Variants in SPATA32 observed in about 807,000 individuals in gnomAD.
SPATA32 encodes the protein spermatogenesis associated 32.
In SPATA32, 28 loss-of-function variants were observed where a neutral mutation model predicts 35.4. The observed-to-expected ratio is 0.79, with a 90% CI of 0.59 to 1.09. SPATA32 has a LOEUF of 1.09. SPATA32 is among the 50% of genes least tolerant of loss of function. The pLI is 0.00. For missense variants in SPATA32, 409 were observed against 475.9 expected (o/e 0.86, Z 1.31); for synonymous variants, 168 against 196.3 (o/e 0.86, Z 1.20).
rs761250386 is a variant in SPATA32, at chr17:45,255,281, G to A, written c.901C>T (p.Arg301Cys). 1.0e-4 allele frequency: 169 copies of A among 1,614,098 alleles called. No individual in the cohort carries two copies. The East Asian group carries it at 2.4e-3, about 23-fold the overall frequency. ...GATTTCAGTGGTGCTCTGGCTTCGC[G>A]TGGTTTCTCTGGCAGGGTCTCTGCG... ...NHAETLPEKP[R>C]EARAPLKSWS... The change falls in exon 4 of 5, where the codon CGC becomes TGC. Residue 301 changes from arginine (R) to cysteine (C), a missense_variant. Transcript: ENST00000331780. This position sits in a 1 kb window ranked among gnomAD's most constrained non-coding sequence, Gnocchi z 5.4.
At chr17:45,260,436 G>A (rs1455246528) in intron 1 of SPATA32, 1 of 152,242 alleles carries the variant, frequency 6.6e-6, no homozygotes, top group Non-Finnish European at 1.5e-5. Context: ...CGCAGCTACT[G>A]CCCTCCTACC....
chr17:45,259,720 T>C (rs1255844261), intron 1 of SPATA32, among the ~76,000 whole-genome samples: 2 of 152,140 alleles, frequency 1.3e-5, no homozygotes, highest in African/African-American at 4.8e-5. Flanking sequence ...GGTCTTGTTA[T>C]ATTGCCCAGG....
chr17:45,261,646 A>T, intron 1 of SPATA32: 1 of 302,658 alleles, frequency 3.3e-6, no homozygotes, highest in Non-Finnish European at 6.1e-6. Flanking sequence ...GATTTTTTGG[A>T]TCTGCAGTTC....
At position 45,257,212 on chromosome 17, in the gene SPATA32, C is replaced by T. The variant is rs956494375; in HGVS notation, c.14-5G>A. 14 of 1,609,226 alleles carry T rather than the reference C, an allele frequency of 8.7e-6. No individual in the cohort carries two copies. The highest frequency in any genetic ancestry group is 1.1e-5 in the South Asian group (1 of 90,138). On this transcript the variant is annotated splice_polypyrimidine_tract_variant and splice_region_variant and intron_variant, in intron 1 of 4. Coordinates refer to ENST00000331780, the MANE Select transcript of SPATA32 (RefSeq NM_152343.3). Reference sequence around the variant, plus strand: ...AGCATGGAAATCCATGGGCACCTGACAGGGGAAAGGAGGTGAGGGCAGGGA... The same window carrying T: ...AGCATGGAAATCCATGGGCACCTGATAGGGGAAAGGAGGTGAGGGCAGGGA...
rs576619866 is a variant in SPATA32, at chr17:45,261,966, G to T, written c.13+38C>A. The T allele has an allele frequency of 5.3e-6, 7 of 1,310,904 alleles. No homozygotes were observed. The African/African-American group carries it at 6.0e-5, about 11-fold the overall frequency. The allele number at this position is 1,310,904 out of a possible 1,614,324, so 81.2% of individuals were successfully genotyped here. A position where few individuals can be genotyped will look rare whatever the true frequency, so the allele number is the denominator to read the frequency against. On this transcript the variant is annotated intron_variant, in intron 1 of 4. Coordinates refer to ENST00000331780, the MANE Select transcript of SPATA32 (RefSeq NM_152343.3). ...CCTCTCACTTTCGCTTTCCCCGCCT[G>T]CCCCAACCCTCGCCCCCGGGCGCTC...
intron 1 of SPATA32, chr17:45,259,885 A>G (rs2043989738): frequency 6.6e-6 from 1 of 152,104 alleles, no homozygotes; most frequent in Non-Finnish European, 1.5e-5. Context: ...TGGTTGTGAT[A>G]TATTACCCTT....
intron 1 of SPATA32, chr17:45,260,662 A>G (rs1162324368): frequency 6.6e-6 from 1 of 152,262 alleles, no homozygotes; most frequent in Admixed American, 6.5e-5. Flanking sequence ...GGCTGGCTCC[A>G]AACTCTGGGA....
chr17:45,255,152 G>C lies in SPATA32; in HGVS notation c.1030C>G (p.Pro344Ala), dbSNP rs1197271357. 2 of 1,614,098 alleles carry C rather than the reference G, an allele frequency of 1.2e-6. No homozygotes were observed. The highest frequency in any genetic ancestry group is 4.5e-5 in the East Asian group (2 of 44,896). Reference sequence around the variant, plus strand: ...CCCTGCAGCAGAGGGGACGTGGCTGGTGGCTGGAGAAGCTGGATTTGCCCT... The same window carrying C: ...CCCTGCAGCAGAGGGGACGTGGCTGCTGGCTGGAGAAGCTGGATTTGCCCT... ...IKGQIQLLQP[P>A]ATSPLLQGSK... is the part of the protein sequence containing the mutation. Residue 344 changes from proline to alanine, a missense_variant, in exon 4 of 5, where the codon CCA (proline) becomes GCA (alanine). Pro to Ala is a conservative substitution (Grantham distance 27). Coordinates refer to ENST00000331780, the MANE Select transcript of SPATA32 (RefSeq NM_152343.3). The surrounding 1 kb of genome is among the most constrained non-coding windows in gnomAD (Gnocchi z 5.4).
At position 45,261,987 on chromosome 17, in the gene SPATA32, C is replaced by T; in HGVS notation, c.13+17G>A. 9 of 1,312,564 alleles carry T rather than the reference C, an allele frequency of 6.9e-6. No homozygotes were observed. Among genetic ancestry groups the T allele is most frequent in the Non-Finnish European group, 7.8e-6 (8 of 1,022,226 alleles). The allele number at this position is 1,312,564 out of a possible 1,614,324, so 81.3% of individuals were successfully genotyped here. A position where few individuals can be genotyped will look rare whatever the true frequency, so the allele number is the denominator to read the frequency against. ...GCCTGCCCCAACCCTCGCCCCCGGG[C>T]GCTCGGCCGCTCCCACCTGTCACCC... On this transcript the variant is annotated intron_variant, in intron 1 of 4. Transcript: ENST00000331780.
chr17:45,255,499 A>G lies in SPATA32; in HGVS notation c.683T>C (p.Leu228Pro), dbSNP rs746789264. ...AATGGGTGGCGGGAGATCTGAGGAC[A>G]GGAGGGGGCTTGGTGCCTGGGAGCT... is the stretch of plus-strand genomic sequence containing the variant. ...TTSSQAPSPL[L>P]SSDLPPPIDL... Residue 228 changes from leucine (L) to proline (P), a missense_variant, in exon 4 of 5, where the codon CTG becomes CCG. Leu to Pro is a moderately conservative substitution (Grantham distance 98, BLOSUM62 -3). Coordinates refer to ENST00000331780, the MANE Select transcript of SPATA32 (RefSeq NM_152343.3). This position sits in a 1 kb window ranked among gnomAD's most constrained non-coding sequence, Gnocchi z 5.4. 1 of 1,613,956 alleles carries G rather than the reference A, an allele frequency of 6.2e-7. No homozygotes were observed. Among genetic ancestry groups the G allele is most frequent in the Non-Finnish European group, 8.5e-7 (1 of 1,180,010 alleles).
chr17:45,255,953 G>C lies in SPATA32; in HGVS notation c.229C>G (p.Leu77Val), dbSNP rs753881676. The C allele has an allele frequency of 1.1e-5, 18 of 1,614,116 alleles. No individual in the cohort carries two copies. The highest frequency in any genetic ancestry group is 1.4e-5 in the Non-Finnish European group (17 of 1,180,008). The change falls in exon 4 of 5, where the codon CTA becomes GTA. Residue 77 changes from leucine to valine, a missense_variant. Transcript: ENST00000331780. The surrounding 1 kb of genome is among the most constrained non-coding windows in gnomAD (Gnocchi z 5.4). ...GCTTCAAGCTTGAGGGCTGGGTATA[G>C]CTCTGACTCCAGTAAAGCCGGCACC... ...GQVPALLESE[L>V]YPALKLEAEL... is the part of the protein sequence containing the mutation.
chr17:45,255,531 T>C lies in SPATA32; in HGVS notation c.651A>G (p.Pro217=). The change falls in exon 4 of 5, where the codon CCA becomes CCG. Residue 217 remains proline, a synonymous_variant. Coordinates refer to ENST00000331780, the MANE Select transcript of SPATA32 (RefSeq NM_152343.3). This position sits in a 1 kb window ranked among gnomAD's most constrained non-coding sequence, Gnocchi z 5.4. ...GGCTTGGTGCCTGGGAGCTTGTGGT[T>C]GGAGGAGCTGAGTGGGCATCAGGGA... ...LQIPDAHSAP[P]TTSSQAPSPL... is the part of the protein sequence containing the mutation. 1 of 1,614,070 alleles carries C rather than the reference T, an allele frequency of 6.2e-7. No individual in the cohort carries two copies. The highest frequency in any genetic ancestry group is 8.5e-7 in the Non-Finnish European group (1 of 1,180,004).
In SPATA32 at chr17:45,256,391, T is replaced by C. The variant is rs761506249; in HGVS notation, c.93A>G (p.Ile31Met). Reference protein sequence around the residue: ...EMRDDLSQHQIQEEQELEADM... With the variant: ...EMRDDLSQHQMQEEQELEADM... ...CCATTTTTACCTCCTGTTCCTCTTG[T>C]ATCTGGTGTTGACTTAAGTCATCTC... Residue 31 changes from isoleucine (I) to methionine (M), a missense_variant, in exon 3 of 5, where the codon ATA becomes ATG. Ile to Met is a conservative substitution (Grantham distance 10). Coordinates refer to ENST00000331780, the MANE Select transcript of SPATA32 (RefSeq NM_152343.3). The surrounding 1 kb of genome is among the most constrained non-coding windows in gnomAD (Gnocchi z 4.7). 6.2e-7 allele frequency: 1 copy of C among 1,610,240 alleles called. No individual in the cohort carries two copies.
chr17:45,257,247 T>C, intron 1 of SPATA32, 40 bp from the exon 2 acceptor site: 1 of 1,582,494 alleles, frequency 6.3e-7, no homozygotes, highest in Non-Finnish European at 8.6e-7. Flanking sequence ...AGCTGCAGGG[T>C]AGAGGACAGT....
At chr17:45,259,477 T>C (rs1393597059) in intron 1 of SPATA32, among the ~76,000 whole-genome samples, 1 of 152,166 alleles carries the variant, frequency 6.6e-6, no homozygotes, top group Non-Finnish European at 1.5e-5. Context: ...TGAGTAATGT[T>C]ATATTATTTG....
In SPATA32 at chr17:45,257,153, C is replaced by G. The variant is rs780231460; in HGVS notation, c.68G>C (p.Arg23Pro). The change falls in exon 2 of 5, where the codon CGA (arginine) becomes CCA (proline). Residue 23 changes from arginine to proline, a missense_variant and splice_region_variant. Coordinates refer to ENST00000331780, the MANE Select transcript of SPATA32 (RefSeq NM_152343.3). ...TACGTTGATTGAGGATGGTTCTCACCGCATCTCTGCAACCTCCACTGACCC... is the reference window on the plus strand; with the variant it reads ...TACGTTGATTGAGGATGGTTCTCACGGCATCTCTGCAACCTCCACTGACCC... ...GKGSVEVAEM[R>P]DDLSQHQIQE... 2 of 1,612,044 alleles carry G rather than the reference C, an allele frequency of 1.2e-6. No homozygotes were observed. Among genetic ancestry groups the G allele is most frequent in the Non-Finnish European group, 1.7e-6 (2 of 1,179,650 alleles).
At position 45,254,395 on chromosome 17, in the gene SPATA32, C is replaced by A; in HGVS notation, c.*31G>T. ...TTGCACAAAAGTCTAAGCCGACGGC[C>A]AGCACTGGAGGCTTTATTGGTTCTG... On this transcript the variant is annotated 3_prime_UTR_variant, in exon 5 of 5. Coordinates refer to ENST00000331780, the MANE Select transcript of SPATA32 (RefSeq NM_152343.3). The A allele has an allele frequency of 6.2e-7, 1 of 1,602,838 alleles. No individual in the cohort carries two copies. The highest frequency in any genetic ancestry group is 8.5e-7 in the Non-Finnish European group (1 of 1,169,858).
intron 1 of SPATA32, chr17:45,260,871 G>T (rs1372799288): frequency 6.6e-6 from 1 of 152,186 alleles, no homozygotes; most frequent in Non-Finnish European, 1.5e-5. Flanking sequence ...CCAGCTTCCT[G>T]TCCCTCACCC....
rs554534295 is a variant in SPATA32, at chr17:45,255,491, C to A, written c.691G>T (p.Asp231Tyr). 2 of 1,614,074 alleles carry A rather than the reference C, an allele frequency of 1.2e-6. No homozygotes were observed. The highest frequency in any genetic ancestry group is 1.7e-6 in the Non-Finnish European group (2 of 1,179,998). ...SQAPSPLLSS[D>Y]LPPPIDLTEL... ...GTCAGGTCAATGGGTGGCGGGAGATCTGAGGACAGGAGGGGGCTTGGTGCC... is the reference window on the plus strand; with the variant it reads ...GTCAGGTCAATGGGTGGCGGGAGATATGAGGACAGGAGGGGGCTTGGTGCC... Residue 231 changes from aspartate (D) to tyrosine (Y), a missense_variant, in exon 4 of 5, where the codon GAT (aspartate) becomes TAT (tyrosine). Physicochemically the swap from Asp to Tyr is radical, Grantham distance 160 (BLOSUM62 -3). Transcript: ENST00000331780. This position sits in a 1 kb window ranked among gnomAD's most constrained non-coding sequence, Gnocchi z 5.4.
Sources: allele counts gnomAD v4.1 joint callset (sites outside exome capture counted in the v4.1 genomes callset), GRCh38; gene constraint gnomAD v4.1.1; non-coding constraint Gnocchi (gnomAD v3.1); transcripts MANE v1.5; gene names NCBI Gene and HGNC (gene_info 2026-07-23, HGNC 2026-07-21).